ARHGEF10L: variants seen among roughly 807,000 people sequenced by gnomAD.
ARHGEF10L encodes the protein rho guanine nucleotide exchange factor 10-like protein.
Under a neutral mutation model 141.2 loss-of-function variants are expected in ARHGEF10L, and 69 were observed. The observed-to-expected ratio is 0.49, with a 90% CI of 0.40 to 0.60. The LOEUF (loss-of-function observed/expected upper bound fraction) is 0.60. Ranked by LOEUF, ARHGEF10L falls within the 20% of genes least tolerant of loss-of-function variation. The pLI, the probability that ARHGEF10L is intolerant of heterozygous loss-of-function variation, is 0.00. For synonymous variants in ARHGEF10L, 711 were observed against 718.5 expected (o/e 0.99, Z 0.17); for missense variants, 1,482 against 1,734.3 (o/e 0.85, Z 2.58).
At chr1:17,561,982 T>C (rs1220225643) in intron 1 of ARHGEF10L, among the ~76,000 whole-genome samples, 1 of 152,256 alleles carries the variant, frequency 6.6e-6, no homozygotes, top group Non-Finnish European at 1.5e-5. Context: ...CCTAGCTATG[T>C]GACCTTGGAC....
rs560740783 is a variant in ARHGEF10L at position 17,641,330 on chromosome 1, G to A, written c.2272+1028G>A. On this transcript the variant is annotated intron_variant, in intron 21 of 28. Coordinates refer to ENST00000361221, the MANE Select transcript of ARHGEF10L (RefSeq NM_018125.4). The stretch of plus-strand genomic sequence containing the variant: ...ATAGAGAAGCTTACATTTTCAATAG[G>A]TTTTAACACATTTATGGAAGGCCGG... Among the ~76,000 whole-genome samples the A allele has an allele frequency of 5.2e-4, 79 of 152,268 alleles. 1 individual carries two copies. The South Asian group carries it at 0.016, about 30-fold the overall frequency.
Position 17,544,965 on chromosome 1 carries a change from G to A in ARHGEF10L, c.-44+5015G>A, listed in dbSNP as rs569506722. 1.1e-4 allele frequency among the ~76,000 whole-genome samples: 17 copies of A among 152,244 alleles called. No individual in the cohort carries two copies. The East Asian group carries it at 2.9e-3, about 26-fold the overall frequency. On this transcript the variant is annotated intron_variant, in intron 1 of 28. Transcript: ENST00000361221. ...AGACTTATTCACTATCATGAGAACAGCATGGGGAAAACCTGCCCCTGTGAT... is the reference window on the plus strand; with the variant it reads ...AGACTTATTCACTATCATGAGAACAACATGGGGAAAACCTGCCCCTGTGAT...
chr1:17,686,169 G>A (rs536679223), intron 26 of ARHGEF10L, among the ~76,000 whole-genome samples: 46 of 151,182 alleles, frequency 3.0e-4, no homozygotes, highest in African/African-American at 1.1e-3. Context: ...GTGTCTGTAA[G>A]TGTGAGTTTA....
rs529776874 is a variant in ARHGEF10L at position 17,650,712 on chromosome 1, G to A, written c.2394+2037G>A. On this transcript the variant is annotated intron_variant, in intron 22 of 28. Transcript: ENST00000361221. ...CATGCCACTGCATTCCAGCCTGGGT[G>A]ACAGAGTAAGACCCTGTCTCAAAAA... 4.4e-4 allele frequency among the ~76,000 whole-genome samples: 62 copies of A among 142,238 alleles called. 1 individual carries two copies. In the South Asian group the frequency reaches 0.014, roughly 32 times the overall value. 93.3% of individuals were successfully genotyped at this position (142,238 alleles called of 152,430 possible).
rs2064722876 is a variant in ARHGEF10L, at chr1:17,687,632, C to T, written c.3069C>T (p.Gly1023=). ...GCGTGACACACATGGTGAAGGCGGGCAGCGGCGTCTGGATGGCCTTCTCCT... is the reference window on the plus strand; with the variant it reads ...GCGTGACACACATGGTGAAGGCGGGTAGCGGCGTCTGGATGGCCTTCTCCT... ...AVSVTHMVKA[G]SGVWMAFSSG... Residue 1023 remains glycine (G), a synonymous_variant, in exon 27 of 29, where the codon GGC becomes GGT. Coordinates refer to ENST00000361221, the MANE Select transcript of ARHGEF10L (RefSeq NM_018125.4). 3.7e-6 allele frequency: 6 copies of T among 1,612,972 alleles called. No homozygotes were observed. In the African/African-American group the frequency reaches 5.3e-5, roughly 14 times the overall value.
chr1:17,534,951 G>A (rs565437547), upstream of ARHGEF10L, among the ~76,000 whole-genome samples: 29 of 152,238 alleles, frequency 1.9e-4, 1 homozygote, highest in South Asian at 1.9e-3. Context: ...AACTGGTTTC[G>A]GGGATGTGGA....
chr1:17,590,338 G>A (rs57644334), intron 4 of ARHGEF10L, among the ~76,000 whole-genome samples: 1,990 of 152,146 alleles, frequency 0.013, 37 homozygotes, highest in African/African-American at 0.045. Context: ...CTAAGCAGTC[G>A]GTGGAATGTT....
chr1:17,597,023 G>A (rs12127699), intron 4 of ARHGEF10L, among the ~76,000 whole-genome samples: 7,872 of 152,248 alleles, frequency 0.052, 358 homozygotes, highest in East Asian at 0.24. Flanking sequence ...CGCACCAGGT[G>A]GCCTTCTGGT....
upstream of ARHGEF10L, among the ~76,000 whole-genome samples, chr1:17,537,854 C>CAAAAAAAAAAAAAA (rs10611023): frequency 1.3e-5 from 1 of 79,844 alleles, no homozygotes; most frequent in African/African-American, 5.0e-5. Flanking sequence ...ACCATCTCTA[C>CAAAAAAAAAAAAAA]AAAAAAAAAA....
upstream of ARHGEF10L, among the ~76,000 whole-genome samples, chr1:17,536,408 C>T (rs866808156): frequency 3.9e-5 from 6 of 152,176 alleles, no homozygotes; most frequent in South Asian, 6.2e-4. Context: ...GCCTGGGAGG[C>T]GGAGGTTGCG....
At chr1:17,635,615 C>G (rs559039364) in intron 18 of ARHGEF10L, among the ~76,000 whole-genome samples, 2 of 152,346 alleles carry the variant, frequency 1.3e-5, no homozygotes, top group African/African-American at 4.8e-5. Context: ...TCAAATGGCA[C>G]TTCCTCAGAG....
the ARHGEF10L span, among the ~76,000 whole-genome samples, chr1:17,533,618 T>C: frequency 2.0e-5 from 3 of 152,156 alleles, no homozygotes; most frequent in Non-Finnish European, 4.4e-5. Flanking sequence ...TCTTTGACTT[T>C]AGCTTGTTTC....
chr1:17,568,034 G>A (rs2077833512), intron 1 of ARHGEF10L, among the ~76,000 whole-genome samples: 2 of 152,124 alleles, frequency 1.3e-5, no homozygotes, highest in South Asian at 4.2e-4. Flanking sequence ...CTTCAGTGAG[G>A]GCAGGTACTG....
At chr1:17,691,040 C>A in intron 27 of ARHGEF10L, 1 of 426,718 alleles carries the variant, frequency 2.3e-6, no homozygotes, top group Admixed American at 2.8e-5. Flanking sequence ...ACTTCCTTCC[C>A]CTGACCCCTT....
chr1:17,692,610 G>A (rs566283453), intron 27 of ARHGEF10L, among the ~76,000 whole-genome samples: 11 of 152,206 alleles, frequency 7.2e-5, no homozygotes, highest in Admixed American at 5.2e-4. Context: ...CCTCACTGCC[G>A]CCGCCCTTCC....
chr1:17,562,728 G>C (rs75056438), intron 1 of ARHGEF10L, among the ~76,000 whole-genome samples: 1 of 152,326 alleles, frequency 6.6e-6, no homozygotes, highest in Non-Finnish European at 1.5e-5. Context: ...AGCTGAGGCT[G>C]CCATGTTCCC....
chr1:17,688,879 C>T (rs1489706715), intron 27 of ARHGEF10L, among the ~76,000 whole-genome samples: 2 of 152,120 alleles, frequency 1.3e-5, no homozygotes, highest in African/African-American at 2.4e-5. Context: ...TAGCCAGTCA[C>T]GATGGTCCTT....
intron 1 of ARHGEF10L, among the ~76,000 whole-genome samples, chr1:17,575,459 T>C (rs1484606883): frequency 6.6e-6 from 1 of 152,172 alleles, no homozygotes; most frequent in East Asian, 1.9e-4. Context: ...GAGAATTCCA[T>C]GTGGAGGGAA....
chr1:17,565,935 T>C (rs1464031796), intron 1 of ARHGEF10L, among the ~76,000 whole-genome samples: 1 of 152,018 alleles, frequency 6.6e-6, no homozygotes, highest in Non-Finnish European at 1.5e-5. Context: ...CACAAGTAGG[T>C]CGTGGTCTCT....
Sources: allele counts gnomAD v4.1 joint callset (sites outside exome capture counted in the v4.1 genomes callset), GRCh38; gene constraint gnomAD v4.1.1; transcripts MANE v1.5; gene names NCBI Gene and HGNC (gene_info 2026-07-23, HGNC 2026-07-21).